The following SLIT3 variants were observed in gnomAD, a reference collection of about 807,000 sequenced individuals.
The protein encoded by SLIT3 is slit guidance ligand 3.
In SLIT3, 68 loss-of-function variants were observed where a neutral mutation model predicts 184.0. That is an observed-to-expected ratio of 0.37 (90% CI 0.30 to 0.45). The LOEUF (loss-of-function observed/expected upper bound fraction) is 0.45. SLIT3 is among the 20% of genes least tolerant of loss of function. SLIT3 has a pLI of 1.00. For missense variants in SLIT3, 1,707 were observed against 2,026.0 expected, an observed-to-expected ratio of 0.84 and a Z score of 3.02; for synonymous variants, 831 against 828.6, an observed-to-expected ratio of 1.00 and a Z score of -0.05.
At chr5:169,261,654 A>G (rs1766181659) in intron 1 of SLIT3, among the ~76,000 whole-genome samples, 1 of 152,184 alleles carries the variant, frequency 6.6e-6, no homozygotes, top group Non-Finnish European at 1.5e-5. Context: ...ACAGTAAAAC[A>G]ATAGCAAAGA....
chr5:168,759,107 C>T (rs1014889570), intron 16 of SLIT3, among the ~76,000 whole-genome samples: 1 of 151,976 alleles, frequency 6.6e-6, no homozygotes, highest in East Asian at 1.9e-4. Flanking sequence ...TTCCAAAATC[C>T]AAAAAAATCT....
Position 169,300,291 on chromosome 5 carries a change from G to A in SLIT3, c.197+222C>T, listed in dbSNP as rs1289523282. 1.3e-5 allele frequency among the ~76,000 whole-genome samples: 2 copies of A among 152,226 alleles called. No individual in the cohort carries two copies. The highest frequency in any genetic ancestry group is 2.1e-4 in the South Asian group (1 of 4,826). On this transcript the variant is annotated intron_variant, in intron 1 of 35. Transcript: ENST00000519560. The surrounding 1 kb of genome is among the most constrained non-coding windows in gnomAD (Gnocchi z 4.1). ...GTCTGGAACCCTCACCCCTGGAGAG[G>A]CACTGCTCTTTGCCCATCGCTGGGG...
At chr5:168,863,936 G>A (rs1284379181) in intron 5 of SLIT3, among the ~76,000 whole-genome samples, 1 of 152,000 alleles carries the variant, frequency 6.6e-6, no homozygotes, top group Non-Finnish European at 1.5e-5. Flanking sequence ...AAGCATGTGT[G>A]GGCCAGGTGC....
At chr5:168,671,543 C>T in intron 33 of SLIT3, 60 bp from the exon 34 acceptor site, 29 of 1,532,282 alleles carry the variant, frequency 1.9e-5, no homozygotes, top group Non-Finnish European at 2.6e-5. Flanking sequence ...CTGCTGTCCT[C>T]AGAGCGAAAA....
chr5:168,757,600 A>AT lies in SLIT3; in HGVS notation c.1685+3261dup, dbSNP rs1052085437. Among the ~76,000 whole-genome samples, 17 of 151,856 alleles carry AT rather than the reference A, an allele frequency of 1.1e-4. No individual in the cohort carries two copies. The East Asian group carries it at 1.9e-3, about 17-fold the overall frequency. On this transcript the variant is annotated intron_variant, in intron 16 of 35. Coordinates refer to ENST00000519560, the MANE Select transcript of SLIT3 (RefSeq NM_003062.4). Reference sequence around the variant, plus strand: ...AGGCGCCTGCCATTGCGCCCGGCTAATTTTTTTTGTATTTTTAGTAGAGAC... The same window carrying AT: ...AGGCGCCTGCCATTGCGCCCGGCTAATTTTTTTTTGTATTTTTAGTAGAGAC...
chr5:168,755,968 G>C (rs2113485366), intron 16 of SLIT3, among the ~76,000 whole-genome samples: 1 of 152,348 alleles, frequency 6.6e-6, no homozygotes. Context: ...ATGAACTGAA[G>C]GTGATGACAG....
At chr5:169,281,366 C>T (rs1227620516) in intron 1 of SLIT3, among the ~76,000 whole-genome samples, 1 of 152,120 alleles carries the variant, frequency 6.6e-6, no homozygotes, top group Non-Finnish European at 1.5e-5. Flanking sequence ...ATCCCAGCTA[C>T]TTGGGAGGCT....
At chr5:169,128,660 C>T (rs147601585) in intron 4 of SLIT3, among the ~76,000 whole-genome samples, 3 of 152,110 alleles carry the variant, frequency 2.0e-5, no homozygotes, top group South Asian at 2.1e-4. Context: ...GAACTCCAGA[C>T]CTCAAGTGAT....
chr5:168,885,965 G>A (rs1020775954), intron 4 of SLIT3, among the ~76,000 whole-genome samples: 2 of 152,170 alleles, frequency 1.3e-5, no homozygotes, highest in African/African-American at 2.4e-5. Flanking sequence ...CTGCACTTGG[G>A]TGGGGCAGCG....
intron 1 of SLIT3, among the ~76,000 whole-genome samples, chr5:169,284,454 G>A (rs1389731386): frequency 2.0e-5 from 3 of 152,056 alleles, no homozygotes; most frequent in Non-Finnish European, 4.4e-5. Context: ...TCATTGTTCA[G>A]TGCATAAATT....
chr5:168,800,705 C>T (rs1160147760), intron 9 of SLIT3, among the ~76,000 whole-genome samples: 1 of 152,240 alleles, frequency 6.6e-6, no homozygotes, highest in Non-Finnish European at 1.5e-5. Flanking sequence ...CCATTCCCAA[C>T]CTGTGCTGTG....
intron 8 of SLIT3, among the ~76,000 whole-genome samples, chr5:168,810,568 G>T (rs1455290024): frequency 6.6e-6 from 1 of 152,264 alleles, no homozygotes; most frequent in Non-Finnish European, 1.5e-5. Flanking sequence ...CTCCAGAAAA[G>T]GGGGCTGAGG....
intron 14 of SLIT3, among the ~76,000 whole-genome samples, chr5:168,765,898 C>T (rs1006168153): frequency 5.3e-5 from 8 of 151,872 alleles, no homozygotes; most frequent in South Asian, 2.1e-4. Context: ...ACACTTGGTA[C>T]GTGATCACAG....
chr5:169,117,938 C>A (rs541283801), intron 4 of SLIT3, among the ~76,000 whole-genome samples: 1 of 152,334 alleles, frequency 6.6e-6, no homozygotes, highest in East Asian at 1.9e-4. Flanking sequence ...CGCTCTCATA[C>A]AGGCCCAGCA....
At chr5:168,704,058 C>T (rs1209032448) in intron 26 of SLIT3, among the ~76,000 whole-genome samples, 7 of 151,342 alleles carry the variant, frequency 4.6e-5, no homozygotes, top group Admixed American at 4.6e-4. Flanking sequence ...AAAGCGTGCT[C>T]CTTGGACTAG....
chr5:169,169,549 A>T (rs1177493613), intron 4 of SLIT3, among the ~76,000 whole-genome samples: 1 of 152,198 alleles, frequency 6.6e-6, no homozygotes, highest in Admixed American at 6.5e-5. Context: ...TGAGATGTCA[A>T]ACTGGGGAGA....
At chr5:168,870,420 C>T (rs945882727) in intron 5 of SLIT3, among the ~76,000 whole-genome samples, 4 of 152,206 alleles carry the variant, frequency 2.6e-5, no homozygotes, top group Non-Finnish European at 5.9e-5. Flanking sequence ...AATCACCTCC[C>T]AGTCAACACC....
At chr5:168,959,115 T>G (rs1384340815) in intron 4 of SLIT3, among the ~76,000 whole-genome samples, 2 of 152,278 alleles carry the variant, frequency 1.3e-5, no homozygotes, top group Non-Finnish European at 2.9e-5. Flanking sequence ...CTTTTCAGCC[T>G]TAAGCCTTAT....
At chr5:169,239,702 T>C (rs1001354304) in intron 3 of SLIT3, among the ~76,000 whole-genome samples, 1 of 152,052 alleles carries the variant, frequency 6.6e-6, no homozygotes, top group Non-Finnish European at 1.5e-5. Flanking sequence ...GTAATTTTAG[T>C]TGCTTCAAGA....
Sources: allele counts gnomAD v4.1 joint callset (sites outside exome capture counted in the v4.1 genomes callset), GRCh38; gene constraint gnomAD v4.1.1; non-coding constraint Gnocchi (gnomAD v3.1); transcripts MANE v1.5; gene names NCBI Gene and HGNC (gene_info 2026-07-23, HGNC 2026-07-21).